Variants in ORC3 observed in about 807,000 individuals in gnomAD.
The protein encoded by ORC3 is origin recognition complex subunit 3, also known as homolog of latheo, Drosophila.
In ORC3, 78 loss-of-function variants were observed where a neutral mutation model predicts 100.7. That is an observed-to-expected ratio of 0.77 (90% CI 0.65 to 0.94). The LOEUF (loss-of-function observed/expected upper bound fraction) is 0.94. Ranked by LOEUF, ORC3 falls within the 40% of genes least tolerant of loss-of-function variation. The pLI, the probability that ORC3 is intolerant of heterozygous loss-of-function variation, is 0.00. For synonymous variants in ORC3, 295 were observed against 289.3 expected, an observed-to-expected ratio of 1.02 and a Z score of -0.20; for missense variants, 789 against 823.9, an observed-to-expected ratio of 0.96 and a Z score of 0.52.
In ORC3 at chr6:87,665,620, G is replaced by A. The variant is rs28381548; in HGVS notation, c.1951-134G>A. 5,937 of 594,586 alleles carry A rather than the reference G, an allele frequency of 1.0e-2. 280 individuals carry two copies. The highest frequency in any genetic ancestry group is 0.1 in the African/African-American group (5,322 of 53,454). The allele number at this position is 594,586 out of a possible 1,614,324, so 36.8% of individuals were successfully genotyped here. A position where few individuals can be genotyped will look rare whatever the true frequency, so the allele number is the denominator to read the frequency against. On this transcript the variant is annotated intron_variant, in intron 18 of 19. Transcript: ENST00000392844. ...TAAGTGGTTTAAAGTGATCATCAGT[G>A]TAGTTTTGACAATCTTAAATTTGAT... is the stretch of plus-strand genomic sequence containing the variant.
chr6:87,614,850 T>G (rs1007354830), intron 8 of ORC3, among the ~76,000 whole-genome samples: 1 of 152,154 alleles, frequency 6.6e-6, no homozygotes, highest in Non-Finnish European at 1.5e-5. Flanking sequence ...TCAATAAGTC[T>G]CTAGGTAGTT....
At chr6:87,659,061 T>TG (rs1769968084) in intron 16 of ORC3, among the ~76,000 whole-genome samples, 1 of 106,024 alleles carries the variant, frequency 9.4e-6, no homozygotes, top group African/African-American at 5.7e-5. Context: ...TATTGTAATT[T>TG]TTTTTTTTTT....
intron 11 of ORC3, 73 bp downstream of exon 11, chr6:87,622,086 T>C: frequency 1.0e-6 from 1 of 970,422 alleles, no homozygotes; most frequent in Admixed American, 2.0e-5. Flanking sequence ...GTAACATTTA[T>C]TGAGTTAATA....
chr6:87,653,338 G>T, intron 14 of ORC3, 89 bp downstream of exon 14: 1 of 1,150,056 alleles, frequency 8.7e-7, no homozygotes, highest in Non-Finnish European at 1.2e-6. Flanking sequence ...GATGTGCTTA[G>T]AGATAAAGAG....
In ORC3 at chr6:87,605,959, CAG is replaced by C. The variant is rs771052727; in HGVS notation, c.368_369del (p.Glu123GlyfsTer5). On this transcript the variant is annotated frameshift_variant, in exon 5 of 20. Transcript: ENST00000392844. LOFTEE classifies it high-confidence loss of function. ...CATGATTTGACATTCGGAAGTCTAA[CAG>C]AGGCCCTTCAGAATAATGTCACACC... 4.3e-5 allele frequency: 70 copies of C among 1,610,348 alleles called. No homozygotes were observed. The East Asian group carries it at 1.5e-3, about 35-fold the overall frequency.
At chr6:87,616,490 TC>T in intron 9 of ORC3, 63 bp downstream of exon 9, 1 of 721,176 alleles carries the variant, frequency 1.4e-6, no homozygotes, top group Non-Finnish European at 2.5e-6. Context: ...GCACATTATT[TC>T]AGGCTGTCTA....
chr6:87,596,075 A>G (rs1777410267), intron 2 of ORC3, among the ~76,000 whole-genome samples: 1 of 151,942 alleles, frequency 6.6e-6, no homozygotes, highest in Non-Finnish European at 1.5e-5. Context: ...TCCAGGGCTC[A>G]AGTGATCCTC....
chr6:87,674,266 C>T, the ORC3 span, among the ~76,000 whole-genome samples: 1 of 139,490 alleles, frequency 7.2e-6, no homozygotes, highest in Admixed American at 7.9e-5. Flanking sequence ...CGTGCCACTG[C>T]ACTCCAGCTT....
Position 87,667,252 on chromosome 6 carries a change from C to G in ORC3, c.*129C>G, listed in dbSNP as rs1770713875. The stretch of plus-strand genomic sequence containing the variant: ...ATGTGTAACCCCCATTGATGTTTAA[C>G]CAGAAAAGTACATTGCTAACCCCAA... On this transcript the variant is annotated 3_prime_UTR_variant, in exon 20 of 20. Coordinates refer to ENST00000392844, the MANE Select transcript of ORC3 (RefSeq NM_012381.4). The G allele has an allele frequency of 1.7e-6, 1 of 577,674 alleles. No individual in the cohort carries two copies. The highest frequency in any genetic ancestry group is 3.4e-5 in the Admixed American group (1 of 29,198). The allele number at this position is 577,674 out of a possible 1,614,324, so 35.8% of individuals were successfully genotyped here. A position where few individuals can be genotyped will look rare whatever the true frequency, so the allele number is the denominator to read the frequency against.
chr6:87,660,304 G>A (rs1051074761), intron 16 of ORC3, among the ~76,000 whole-genome samples: 2 of 152,198 alleles, frequency 1.3e-5, no homozygotes, highest in African/African-American at 4.8e-5. Flanking sequence ...TGTCCCAGGA[G>A]GGAAGAGATT....
Position 87,634,858 on chromosome 6 carries a change from T to C in ORC3, c.1199T>C (p.Leu400Ser), listed in dbSNP as rs1311746066. ...NERYLKEETQ[L>S]LLENLHVYHM... The stretch of plus-strand genomic sequence containing the variant: ...TGTGATTTTTAGGAGGAAACACAAT[T>C]ATTACTAGAAAACCTGCATGTTTAT... The change falls in exon 12 of 20, where the codon TTA becomes TCA. Residue 400 changes from leucine to serine, a missense_variant. By Grantham distance (145) the Leu-to-Ser change is moderately radical. This residue lies in a region of ORC3 where 366 missense variants were observed against 394.2 expected (regional missense o/e 0.93). Coordinates refer to ENST00000392844, the MANE Select transcript of ORC3 (RefSeq NM_012381.4). 6.5e-7 allele frequency: 1 copy of C among 1,533,158 alleles called. No homozygotes were observed. Among genetic ancestry groups the C allele is most frequent in the South Asian group, 1.1e-5 (1 of 89,350 alleles). The allele number at this position is 1,533,158 out of a possible 1,614,324, so 95.0% of individuals were successfully genotyped here. A position where few individuals can be genotyped will look rare whatever the true frequency, so the allele number is the denominator to read the frequency against.
At chr6:87,666,502 G>A (rs946446816) in intron 19 of ORC3, among the ~76,000 whole-genome samples, 5 of 141,964 alleles carry the variant, frequency 3.5e-5, no homozygotes, top group African/African-American at 8.1e-5. Flanking sequence ...GCAGTGGCAC[G>A]ATCTCGGCTC....
Position 87,605,984 on chromosome 6 carries a change from A to G in ORC3, c.390A>G (p.Thr130=). 1 of 1,607,336 alleles carries G rather than the reference A, an allele frequency of 6.2e-7. No individual in the cohort carries two copies. Among genetic ancestry groups the G allele is most frequent in the Non-Finnish European group, 8.5e-7 (1 of 1,174,444 alleles). ...CAGAGGCCCTTCAGAATAATGTCAC[A>G]CCATATGTAGTCTCATTGCAAGCTA... ...SLTEALQNNV[T]PYVVSLQAKD... The change falls in exon 5 of 20, where the codon ACA becomes ACG. Residue 130 remains threonine (T), a synonymous_variant. Coordinates refer to ENST00000392844, the MANE Select transcript of ORC3 (RefSeq NM_012381.4).
Position 87,613,746 on chromosome 6 carries a change from A to G in ORC3, c.873+1498A>G, listed in dbSNP as rs543471196. On this transcript the variant is annotated intron_variant, in intron 8 of 19. Transcript: ENST00000392844. ...AAATCCAGCGAGGTAGTCAAGTCTT[A>G]CAGCTCCAGATGATCTCCTTTGACT... Among the ~76,000 whole-genome samples, 8 of 152,332 alleles carry G rather than the reference A, an allele frequency of 5.3e-5. No individual in the cohort carries two copies. In the South Asian group the frequency reaches 1.4e-3, roughly 28 times the overall value.
intron 11 of ORC3, among the ~76,000 whole-genome samples, chr6:87,624,648 A>T (rs1779762125): frequency 6.6e-6 from 1 of 152,152 alleles, no homozygotes; most frequent in African/African-American, 2.4e-5. Context: ...GTTACTCATT[A>T]GCTATCTATA....
Position 87,612,232 on chromosome 6 carries a change from C to G in ORC3, c.857C>G (p.Thr286Ser). The G allele has an allele frequency of 6.2e-7, 1 of 1,606,264 alleles. No individual in the cohort carries two copies. The highest frequency in any genetic ancestry group is 1.3e-5 in the African/African-American group (1 of 74,742). Reference sequence around the variant, plus strand: ...TCTTTGTCTTGTAAGGAGCACCTGACTACGGTACTCGATAAGGTAAAAAGA... The same window carrying G: ...TCTTTGTCTTGTAAGGAGCACCTGAGTACGGTACTCGATAAGGTAAAAAGA... ...FQSLSCKEHL[T>S]TVLDKLLLTT... The change falls in exon 8 of 20, where the codon ACT (threonine) becomes AGT (serine). Residue 286 changes from threonine (T) to serine (S), a missense_variant. Physicochemically the swap from Thr to Ser is moderately conservative, Grantham distance 58. Coordinates refer to ENST00000392844, the MANE Select transcript of ORC3 (RefSeq NM_012381.4).
intron 13 of ORC3, among the ~76,000 whole-genome samples, chr6:87,648,855 C>T (rs1026803988): frequency 4.6e-5 from 7 of 152,134 alleles, no homozygotes; most frequent in African/African-American, 1.7e-4. Flanking sequence ...TAATTCTTCA[C>T]TATTACAAAC....
downstream of ORC3, among the ~76,000 whole-genome samples, chr6:87,670,478 A>G (rs758774862): frequency 2.0e-5 from 3 of 151,970 alleles, no homozygotes; most frequent in Non-Finnish European, 2.9e-5. Flanking sequence ...AAACTGCCCT[A>G]TTTTCACAAT....
At chr6:87,610,567 G>A (rs1248804946) in intron 7 of ORC3, among the ~76,000 whole-genome samples, 1 of 131,346 alleles carries the variant, frequency 7.6e-6, no homozygotes, top group Admixed American at 7.4e-5. Flanking sequence ...TTTTTTTTGA[G>A]ACGGAGTCTC....
Sources: gnomAD v4.1 joint callset for allele counts (sites outside exome capture counted in the v4.1 genomes callset) on GRCh38, gnomAD v4.1.1 for gene constraint, gnomAD v4.1.1 regional missense constraint, MANE v1.5 for transcripts, NCBI Gene and HGNC (gene_info 2026-07-23, HGNC 2026-07-21) for gene names.